The following SIPA1L3 variants were observed in gnomAD, a reference collection of about 807,000 sequenced individuals.
The protein encoded by SIPA1L3 is signal induced proliferation associated 1 like 3.
Under a neutral mutation model 150.1 loss-of-function variants are expected in SIPA1L3, and 59 were observed. That is an observed-to-expected ratio of 0.39 (90% CI 0.32 to 0.49). The LOEUF is 0.49. SIPA1L3 is among the 20% of genes least tolerant of loss of function. SIPA1L3 has a pLI of 0.86. For synonymous variants in SIPA1L3, 1,070 were observed against 1,077.6 expected (o/e 0.99, Z 0.14); for missense variants, 2,211 against 2,489.5 (o/e 0.89, Z 2.38).
At chr19:38,134,403 C>CAA (rs1175309814) in intron 10 of SIPA1L3, among the ~76,000 whole-genome samples, 58 of 63,968 alleles carry the variant, frequency 9.1e-4, no homozygotes, top group East Asian at 1.8e-3. Context: ...CAAGCTTTCT[C>CAA]AAAAAAAAAA....
intron 1 of SIPA1L3, among the ~76,000 whole-genome samples, chr19:38,000,794 A>G (rs1472340903): frequency 6.7e-6 from 1 of 148,476 alleles, no homozygotes; most frequent in Non-Finnish European, 1.5e-5. Flanking sequence ...GAAATGAACC[A>G]ATGTCTTAAC....
intron 1 of SIPA1L3, among the ~76,000 whole-genome samples, chr19:37,975,041 G>A (rs1246347657): frequency 1.3e-5 from 2 of 152,162 alleles, no homozygotes; most frequent in Admixed American, 1.3e-4. Context: ...TAGTTAATTT[G>A]TTACTCAGCA....
At chr19:37,999,603 G>A (rs1302783048) in intron 1 of SIPA1L3, among the ~76,000 whole-genome samples, 5 of 152,156 alleles carry the variant, frequency 3.3e-5, no homozygotes, top group South Asian at 4.1e-4. Context: ...GTCTCAGTCC[G>A]GGCGGGCGAT....
intron 10 of SIPA1L3, among the ~76,000 whole-genome samples, chr19:38,136,658 G>A (rs938058259): frequency 6.6e-6 from 1 of 152,156 alleles, no homozygotes; most frequent in African/African-American, 2.4e-5. Flanking sequence ...ATGTTATTGT[G>A]TATCAGCATC....
At chr19:38,038,619 T>A (rs1009499051) in intron 2 of SIPA1L3, among the ~76,000 whole-genome samples, 1 of 150,392 alleles carries the variant, frequency 6.6e-6, no homozygotes, top group African/African-American at 2.4e-5. Flanking sequence ...CATGTGCATG[T>A]TACAGTCTGA....
chr19:38,116,532 AAAAAAAAAAG>A (rs1029668099), intron 8 of SIPA1L3, among the ~76,000 whole-genome samples: 6 of 147,484 alleles, frequency 4.1e-5, no homozygotes, highest in African/African-American at 1.5e-4. Flanking sequence ...TCTCAAAAAA[AAAAAAAAAAG>A]AAAGAAAGAA....
chr19:38,095,445 G>C (rs572926869), intron 4 of SIPA1L3, among the ~76,000 whole-genome samples: 1 of 152,180 alleles, frequency 6.6e-6, no homozygotes, highest in Non-Finnish European at 1.5e-5. Flanking sequence ...AGAGTCAAGC[G>C]GGGAGTACGT....
At chr19:38,106,720 G>A (rs774090941) in intron 7 of SIPA1L3, 80 bp downstream of exon 7, 27 of 966,528 alleles carry the variant, frequency 2.8e-5, no homozygotes, top group Non-Finnish European at 4.0e-5. Flanking sequence ...GTTCTGTCCT[G>A]TGGATCATAT....
chr19:37,929,666 C>T (rs1278979721), intron 1 of SIPA1L3, among the ~76,000 whole-genome samples: 1 of 152,126 alleles, frequency 6.6e-6, no homozygotes, highest in East Asian at 1.9e-4. Flanking sequence ...CTGACTCCCT[C>T]CCCCCTCCTC....
At chr19:37,973,850 A>G (rs944336198) in intron 1 of SIPA1L3, among the ~76,000 whole-genome samples, 2 of 152,140 alleles carry the variant, frequency 1.3e-5, no homozygotes, top group African/African-American at 4.8e-5. Context: ...GGCTTCTCAG[A>G]TGACTGGATG....
chr19:38,075,317 G>A (rs917145345), intron 2 of SIPA1L3, among the ~76,000 whole-genome samples: 3 of 152,100 alleles, frequency 2.0e-5, no homozygotes, highest in Admixed American at 6.6e-5. Flanking sequence ...TTAGCTGGGC[G>A]TGGTGGCACA....
intron 2 of SIPA1L3, among the ~76,000 whole-genome samples, chr19:38,068,231 G>A (rs1197396523): frequency 2.0e-5 from 3 of 151,620 alleles, no homozygotes; most frequent in African/African-American, 4.8e-5. Context: ...GGGTTTCACC[G>A]TGTTAGCCAG....
intron 1 of SIPA1L3, among the ~76,000 whole-genome samples, chr19:37,977,172 A>AT (rs971521166): frequency 5.3e-5 from 8 of 151,498 alleles, no homozygotes; most frequent in South Asian, 2.1e-4. Context: ...ATTAAAAAAA[A>AT]TTTTTTTTAT....
Position 38,207,167 on chromosome 19 carries a change from C to T in SIPA1L3, c.*927C>T, listed in dbSNP as rs1351900641. On this transcript the variant is annotated 3_prime_UTR_variant, in exon 22 of 22. Coordinates refer to ENST00000222345, the MANE Select transcript of SIPA1L3 (RefSeq NM_015073.3). ...GGGTTCCAGGAGGGGCTCCCGAAGCCCTCAGGACAGGGCTGGAGGAGAACA... is the reference window on the plus strand; with the variant it reads ...GGGTTCCAGGAGGGGCTCCCGAAGCTCTCAGGACAGGGCTGGAGGAGAACA... 1 of 152,056 alleles carries T rather than the reference C, an allele frequency of 6.6e-6. No individual in the cohort carries two copies. Among genetic ancestry groups the T allele is most frequent in the African/African-American group, 2.4e-5 (1 of 41,402 alleles). 9.4% of individuals were successfully genotyped at this position (152,056 alleles called of 1,614,324 possible).
intron 1 of SIPA1L3, among the ~76,000 whole-genome samples, chr19:38,000,901 T>TATATATATAAC (rs1200358667): frequency 1.3e-4 from 9 of 67,198 alleles, no homozygotes; most frequent in Non-Finnish European, 2.4e-4. Flanking sequence ...ATGTTATATA[T>TATATATATAAC]ATATATATAA....
At chr19:37,989,362 G>A (rs1967441188) in intron 1 of SIPA1L3, among the ~76,000 whole-genome samples, 1 of 152,030 alleles carries the variant, frequency 6.6e-6, no homozygotes, top group African/African-American at 2.4e-5. Context: ...TGAGACTACA[G>A]GTGTGCGCCA....
At chr19:38,126,217 AC>A in intron 9 of SIPA1L3, among the ~76,000 whole-genome samples, 1 of 152,174 alleles carries the variant, frequency 6.6e-6, no homozygotes, top group Middle Eastern at 3.4e-3. Context: ...ACAAAAAAAA[AC>A]ACCACGCAAT....
rs371372502 is a variant in SIPA1L3 at position 38,141,135 on chromosome 19, C to G, written c.3144-49C>G. On this transcript the variant is annotated intron_variant, in intron 10 of 21. Transcript: ENST00000222345. ...AAACCCAGCCTAGACAGCAGGCCCA[C>G]GTGTTGGTGGGCTGGGGCCTTTCTG... 4 of 1,517,482 alleles carry G rather than the reference C, an allele frequency of 2.6e-6. No individual in the cohort carries two copies. In the African/African-American group the frequency reaches 5.6e-5, roughly 21 times the overall value. The allele number at this position is 1,517,482 out of a possible 1,614,324, so 94.0% of individuals were successfully genotyped here.
intron 2 of SIPA1L3, among the ~76,000 whole-genome samples, chr19:38,077,436 G>A (rs1969861989): frequency 6.6e-6 from 1 of 151,896 alleles, no homozygotes. Context: ...TGACAACAGA[G>A]AAAGACCCTG....
Sources: gnomAD v4.1 joint callset for allele counts (sites outside exome capture counted in the v4.1 genomes callset) on GRCh38, gnomAD v4.1.1 for gene constraint, MANE v1.5 for transcripts, NCBI Gene and HGNC (gene_info 2026-07-23, HGNC 2026-07-21) for gene names.